Variants in TRAF3 observed in about 807,000 individuals in gnomAD.
The protein encoded by TRAF3 is TNF receptor-associated factor 3.
TRAF3 carries 13 observed loss-of-function variants against 62.3 expected under a neutral mutation model. That is an observed-to-expected ratio of 0.21 (90% CI 0.14 to 0.33). TRAF3 has a LOEUF of 0.33. Among genes scored for constraint, TRAF3 ranks in the 10% least tolerant of loss-of-function variants. TRAF3 has a pLI of 1.00. For missense variants in TRAF3, 440 were observed against 741.8 expected (o/e 0.59, Z 4.73); for synonymous variants, 269 against 283.4 (o/e 0.95, Z 0.51).
At chr14:102,789,620 G>GTGTA (rs1555365423) in intron 1 of TRAF3, among the ~76,000 whole-genome samples, 1 of 151,830 alleles carries the variant, frequency 6.6e-6, no homozygotes, top group Admixed American at 6.6e-5. Flanking sequence ...GTGTGTGTGT[G>GTGTA]TGTGGTATGT....
intron 2 of TRAF3, among the ~76,000 whole-genome samples, chr14:102,831,197 G>T (rs915323004): frequency 6.6e-6 from 1 of 152,124 alleles, no homozygotes; most frequent in Non-Finnish European, 1.5e-5. Context: ...TGGCCCAATG[G>T]TGCTATGTGA....
At chr14:102,790,360 A>G (rs1015395761) in intron 1 of TRAF3, among the ~76,000 whole-genome samples, 2 of 152,196 alleles carry the variant, frequency 1.3e-5, no homozygotes, top group East Asian at 1.9e-4. Context: ...TCTCAGTTCT[A>G]TTCTGTTGCT....
At chr14:102,852,799 T>TA (rs1253758529) in intron 2 of TRAF3, among the ~76,000 whole-genome samples, 12 of 151,868 alleles carry the variant, frequency 7.9e-5, no homozygotes, top group Admixed American at 6.6e-4. Flanking sequence ...CTCCTGGGCT[T>TA]AAGCAGTTCT....
chr14:102,903,681 C>T lies in TRAF3; in HGVS notation c.1135+252C>T. The T allele has an allele frequency of 1.6e-6, 1 of 629,028 alleles. No homozygotes were observed. Among genetic ancestry groups the T allele is most frequent in the Non-Finnish European group, 2.9e-6 (1 of 343,644 alleles). The allele number at this position is 629,028 out of a possible 1,614,324, so 39.0% of individuals were successfully genotyped here. On this transcript the variant is annotated intron_variant, in intron 11 of 11. Transcript: ENST00000392745. The surrounding 1 kb of genome is among the most constrained non-coding windows in gnomAD (Gnocchi z 6.4). ...TGTAGAAAGTAGGGGCAGCTGCAGC[C>T]ACGGGAAGCTGCAAAGCCCTCCTGG...
intron 2 of TRAF3, among the ~76,000 whole-genome samples, chr14:102,843,333 A>T (rs998538449): frequency 6.6e-6 from 1 of 151,846 alleles, no homozygotes; most frequent in African/African-American, 2.4e-5. Context: ...GATGGGAAAA[A>T]TTTTTATTTA....
chr14:102,796,519 A>C (rs1325425257), intron 1 of TRAF3, among the ~76,000 whole-genome samples: 1 of 152,222 alleles, frequency 6.6e-6, no homozygotes, highest in Non-Finnish European at 1.5e-5. Context: ...ACTTGCGACT[A>C]GTGTCTGAAG....
Position 102,905,889 on chromosome 14 carries a change from C to T in TRAF3, c.*105C>T, listed in dbSNP as rs191258518. On this transcript the variant is annotated 3_prime_UTR_variant, in exon 12 of 12. Coordinates refer to ENST00000392745, the MANE Select transcript of TRAF3 (RefSeq NM_145725.3). Reference sequence around the variant, plus strand: ...GCGCTCAGAAAAGGACCTTGTGAGACGGAGGAAGCGGCAGAAGGCGGACGC... The same window carrying T: ...GCGCTCAGAAAAGGACCTTGTGAGATGGAGGAAGCGGCAGAAGGCGGACGC... 2.2e-4 allele frequency: 239 copies of T among 1,082,898 alleles called. 1 individual carries two copies. The African/African-American group carries it at 3.0e-3, about 14-fold the overall frequency. The allele number at this position is 1,082,898 out of a possible 1,614,324, so 67.1% of individuals were successfully genotyped here.
chr14:102,898,936 G>C (rs1890137352), intron 10 of TRAF3, among the ~76,000 whole-genome samples: 1 of 152,250 alleles, frequency 6.6e-6, no homozygotes, highest in South Asian at 2.1e-4. Flanking sequence ...GCAGCGGTCA[G>C]TGTCCCTTGA....
At chr14:102,820,458 C>T (rs1899829686) in intron 1 of TRAF3, among the ~76,000 whole-genome samples, 1 of 150,858 alleles carries the variant, frequency 6.6e-6, no homozygotes, top group South Asian at 2.1e-4. Context: ...ATACGTTTTT[C>T]TGACTTTTTA....
At chr14:102,811,913 C>CCTTTTTTTTTTTT (rs1381571409) in intron 1 of TRAF3, among the ~76,000 whole-genome samples, 3 of 47,078 alleles carry the variant, frequency 6.4e-5, no homozygotes, top group African/African-American at 8.2e-5. Context: ...ATGCCTGGCC[C>CCTTTTTTTTTTTT]TTTTTTTTTT....
At chr14:102,859,355 T>C (rs1887556862) in intron 2 of TRAF3, among the ~76,000 whole-genome samples, 1 of 152,214 alleles carries the variant, frequency 6.6e-6, no homozygotes, top group South Asian at 2.1e-4. Context: ...AAAAACTTGG[T>C]AAGCAATTTT....
At chr14:102,779,602 A>C (rs940961954) in intron 1 of TRAF3, among the ~76,000 whole-genome samples, 1 of 152,218 alleles carries the variant, frequency 6.6e-6, no homozygotes, top group Non-Finnish European at 1.5e-5. Flanking sequence ...GCAACTCAAG[A>C]AGGACCTTTC....
intron 4 of TRAF3, among the ~76,000 whole-genome samples, chr14:102,875,219 G>A (rs953893837): frequency 2.6e-5 from 4 of 152,092 alleles, no homozygotes; most frequent in Non-Finnish European, 4.4e-5. Flanking sequence ...TTGTCCTCTG[G>A]TGACAGCTGC....
At chr14:102,845,751 C>T (rs1018889772) in intron 2 of TRAF3, among the ~76,000 whole-genome samples, 3 of 151,586 alleles carry the variant, frequency 2.0e-5, no homozygotes, top group South Asian at 2.1e-4. Flanking sequence ...CTCCTGACCT[C>T]GTGATCTGCC....
At chr14:102,798,273 G>A (rs1210377473) in intron 1 of TRAF3, among the ~76,000 whole-genome samples, 1 of 151,232 alleles carries the variant, frequency 6.6e-6, no homozygotes, top group African/African-American at 2.4e-5. Context: ...CCAGGTTGGA[G>A]TGCAGTGGTG....
In TRAF3 at chr14:102,876,530, G is replaced by A. The variant is rs904825937; in HGVS notation, c.570+5G>A. 9 of 1,612,588 alleles carry A rather than the reference G, an allele frequency of 5.6e-6. No homozygotes were observed. Among genetic ancestry groups the A allele is most frequent in the South Asian group, 1.1e-5 (1 of 90,896 alleles). On this transcript the variant is annotated splice_donor_5th_base_variant and intron_variant, in intron 6 of 11. Transcript: ENST00000392745. Reference sequence around the variant, plus strand: ...GTTCCGATGATCGCGCTGCAGGTGCGGGTCCTCCCATTCCACAGGCCTTCC... The same window carrying A: ...GTTCCGATGATCGCGCTGCAGGTGCAGGTCCTCCCATTCCACAGGCCTTCC...
At chr14:102,778,595 G>A (rs1897136993) in intron 1 of TRAF3, among the ~76,000 whole-genome samples, 1 of 117,806 alleles carries the variant, frequency 8.5e-6, no homozygotes, top group Admixed American at 7.9e-5. Flanking sequence ...TGGTGTGTGT[G>A]CCTGTGTGTG....
chr14:102,797,735 CTT>C, intron 1 of TRAF3, among the ~76,000 whole-genome samples: 1 of 137,356 alleles, frequency 7.3e-6, no homozygotes, highest in East Asian at 2.3e-4. Context: ...ATTTCTTTTT[CTT>C]TCTTTTTTTT....
chr14:102,905,880 C>G lies in TRAF3; in HGVS notation c.*96C>G. ...GAGGTCCTCGCGCTCAGAAAAGGAC[C>G]TTGTGAGACGGAGGAAGCGGCAGAA... On this transcript the variant is annotated 3_prime_UTR_variant, in exon 12 of 12. Coordinates refer to ENST00000392745, the MANE Select transcript of TRAF3 (RefSeq NM_145725.3). 1 of 1,181,706 alleles carries G rather than the reference C, an allele frequency of 8.5e-7. No individual in the cohort carries two copies. The highest frequency in any genetic ancestry group is 1.2e-6 in the Non-Finnish European group (1 of 836,192). 73.2% of individuals were successfully genotyped at this position (1,181,706 alleles called of 1,614,324 possible).
Sources: allele counts gnomAD v4.1 joint callset (sites outside exome capture counted in the v4.1 genomes callset), GRCh38; gene constraint gnomAD v4.1.1; non-coding constraint Gnocchi (gnomAD v3.1); transcripts MANE v1.5; gene names NCBI Gene and HGNC (gene_info 2026-07-23, HGNC 2026-07-21).